Variants in XPA observed in about 807,000 individuals in gnomAD.
The protein encoded by XPA is XPA, DNA damage recognition and repair factor.
XPA carries 27 observed loss-of-function variants against 35.7 expected under a neutral mutation model. The ratio of observed to expected loss-of-function variants is 0.76; its 90% confidence interval spans 0.56 to 1.04. The LOEUF (loss-of-function observed/expected upper bound fraction) is 1.04. Ranked by LOEUF, XPA falls within the 50% of genes least tolerant of loss-of-function variation. The pLI is 0.00. For synonymous variants in XPA, 133 were observed against 118.4 expected (o/e 1.12, Z -0.80); for missense variants, 354 against 342.7 (o/e 1.03, Z -0.26).
At chr9:97,669,594 G>A in the XPA span, 2 of 1,597,298 alleles carry the variant, frequency 1.3e-6, no homozygotes, top group Admixed American at 3.3e-5. Flanking sequence ...CCTTTCCAGC[G>A]GTTTATCATG....
chr9:97,672,300 T>C (rs995244289), downstream of XPA: 1 of 152,210 alleles, frequency 6.6e-6, no homozygotes, highest in South Asian at 2.1e-4. Context: ...TTGCACAAAA[T>C]AGGTATAATT....
chr9:97,689,683 GAAC>G (rs1564047452), intron 2 of XPA, 44 bp from the exon 3 acceptor site: 1 of 1,146,514 alleles, frequency 8.7e-7, no homozygotes, highest in African/African-American at 1.5e-5. Context: ...TTTATGACTA[GAAC>G]AATATATTTT....
chr9:97,680,748 G>T (rs1036909451), intron 5 of XPA, among the ~76,000 whole-genome samples: 1 of 152,164 alleles, frequency 6.6e-6, no homozygotes, highest in Admixed American at 6.5e-5. Flanking sequence ...CTACTGCTGA[G>T]AATGAGAAGG....
At position 97,686,114 on chromosome 9, in the gene XPA, G is replaced by GT. The variant is rs1828709126; in HGVS notation, c.555+981dup. ...TAGTATTTAATGAAATTCAGTACAC[G>GT]TTTTGTTTTACAATATGGCTTCTTA... On this transcript the variant is annotated intron_variant, in intron 4 of 5. Transcript: ENST00000375128. Among the ~76,000 whole-genome samples the GT allele has an allele frequency of 2.6e-5, 4 of 152,262 alleles. No homozygotes were observed. In the South Asian group the frequency reaches 8.3e-4, roughly 32 times the overall value.
chr9:97,669,551 A>G, the XPA span: 19 of 1,390,116 alleles, frequency 1.4e-5, no homozygotes, highest in Middle Eastern at 3.6e-4. Context: ...AAAGTATAAG[A>G]TTCTGTCTGT....
chr9:97,663,857 C>T, the XPA span, among the ~76,000 whole-genome samples: 2 of 151,704 alleles, frequency 1.3e-5, no homozygotes, highest in Non-Finnish European at 2.9e-5. Context: ...AGTGCTAGAG[C>T]AAAGCAAAGG....
At chr9:97,656,071 A>G in the XPA span, 15 of 1,613,638 alleles carry the variant, frequency 9.3e-6, no homozygotes, top group Non-Finnish European at 1.3e-5. Context: ...GAGAAGTTCT[A>G]GAAAAATGTA....
chr9:97,684,850 G>A, intron 5 of XPA, 73 bp downstream of exon 5: 1 of 1,248,650 alleles, frequency 8.0e-7, no homozygotes, highest in Non-Finnish European at 1.2e-6. Context: ...CATTAAACAG[G>A]AAGAATCTAG....
intron 4 of XPA, among the ~76,000 whole-genome samples, chr9:97,686,659 G>C (rs911062246): frequency 6.6e-6 from 1 of 152,100 alleles, no homozygotes; most frequent in African/African-American, 2.4e-5. Flanking sequence ...AGGCGTGGCG[G>C]CTCATGCCTG....
the XPA span, chr9:97,658,587 C>A: frequency 7.2e-7 from 1 of 1,386,848 alleles, no homozygotes; most frequent in African/African-American, 1.4e-5. Context: ...CGGGTGTTAC[C>A]GAAGAATGGG....
downstream of XPA, chr9:97,671,520 C>T (rs1409492464): frequency 4.1e-6 from 1 of 242,584 alleles, no homozygotes; most frequent in Non-Finnish European, 8.1e-6. Flanking sequence ...AGAGGTCAAC[C>T]TTACATAGTA....
At chr9:97,656,349 A>G in the XPA span, among the ~76,000 whole-genome samples, 5 of 152,216 alleles carry the variant, frequency 3.3e-5, no homozygotes, top group Admixed American at 1.3e-4. Flanking sequence ...TGGGAGGCCA[A>G]AGCGGGTGGA....
chr9:97,688,813 G>GAA (rs3176671), intron 3 of XPA, among the ~76,000 whole-genome samples: 6,207 of 152,256 alleles, frequency 0.041, 446 homozygotes, highest in African/African-American at 0.14. Flanking sequence ...CAGGGACTCT[G>GAA]AAAGGGCAGG....
chr9:97,655,360 A>G, the XPA span, among the ~76,000 whole-genome samples: 2 of 152,114 alleles, frequency 1.3e-5, no homozygotes, highest in African/African-American at 2.4e-5. Context: ...GATTACAGGC[A>G]TGAGCCACTG....
downstream of XPA, among the ~76,000 whole-genome samples, chr9:97,674,484 T>C (rs3176758): frequency 0.024 from 3,669 of 152,334 alleles, 134 homozygotes; most frequent in East Asian, 0.13. Context: ...TAAAATGTCA[T>C]GTCAAACAAT....
intron 3 of XPA, among the ~76,000 whole-genome samples, chr9:97,689,265 CAAAA>C (rs1030317346): frequency 2.7e-5 from 4 of 150,546 alleles, no homozygotes; most frequent in African/African-American, 4.9e-5. Flanking sequence ...AAAACAAAAA[CAAAA>C]AAAAACTCAG....
chr9:97,656,024 A>G, the XPA span: 1 of 1,613,828 alleles, frequency 6.2e-7, no homozygotes. Context: ...AGATTGTCTT[A>G]GTCAAGATCC....
chr9:97,658,124 T>C, the XPA span, among the ~76,000 whole-genome samples: 1 of 152,036 alleles, frequency 6.6e-6, no homozygotes, highest in African/African-American at 2.4e-5. Flanking sequence ...GATATGCTCA[T>C]TGCCATTGGG....
chr9:97,683,876 T>C (rs1052384757), intron 5 of XPA, among the ~76,000 whole-genome samples: 15 of 152,316 alleles, frequency 9.8e-5, no homozygotes, highest in African/African-American at 3.6e-4. Context: ...AAACCACTTA[T>C]GAATCCTAAA....
Sources: gnomAD v4.1 joint callset for allele counts (sites outside exome capture counted in the v4.1 genomes callset) on GRCh38, gnomAD v4.1.1 for gene constraint, MANE v1.5 for transcripts, NCBI Gene and HGNC (gene_info 2026-07-23, HGNC 2026-07-21) for gene names.